PTPRD: variants seen among roughly 807,000 people sequenced by gnomAD.
PTPRD encodes receptor-type tyrosine-protein phosphatase delta.
A neutral mutation model predicts 214.5 loss-of-function variants in PTPRD; 34 were observed. The ratio of observed to expected loss-of-function variants is 0.16; its 90% CI spans 0.12 to 0.21. The LOEUF (loss-of-function observed/expected upper bound fraction) is 0.21. Ranked by LOEUF, PTPRD falls within the 10% of genes least tolerant of loss-of-function variation. The pLI is 1.00. For synonymous variants in PTPRD, 1,128 were observed against 845.7 expected (o/e 1.33, Z -5.79); for missense variants, 2,545 against 2,398.7 (o/e 1.06, Z -1.27).
In PTPRD at chr9:10,248,121, G is replaced by T. The variant is rs368248227; in HGVS notation, c.-545+92842C>A. On this transcript the variant is annotated intron_variant, in intron 3 of 45. Coordinates refer to ENST00000381196, the MANE Select transcript of PTPRD (RefSeq NM_002839.4). ...CCTCCCCAGCCATGTGGAACTGTAA[G>T]TCCAATAAACCTCTTTCTTTCTTAA... Among the ~76,000 whole-genome samples, 30 of 152,200 alleles carry T rather than the reference G, an allele frequency of 2.0e-4. 3 individuals carry two copies. Among genetic ancestry groups the T allele is most frequent in the Admixed American group, 1.1e-3 (17 of 15,266 alleles).
intron 18 of PTPRD, 32 bp from the exon 19 acceptor site, chr9:8,523,556 C>T (rs774416232): frequency 6.2e-7 from 1 of 1,611,136 alleles, no homozygotes; most frequent in East Asian, 2.2e-5. Flanking sequence ...ATGCAGAACA[C>T]AATGAAATGA....
intron 9 of PTPRD, among the ~76,000 whole-genome samples, chr9:9,377,061 A>G (rs922317006): frequency 6.6e-6 from 1 of 152,154 alleles, no homozygotes; most frequent in African/African-American, 2.4e-5. Context: ...TTGGCTGGAG[A>G]ATTGATGTTG....
chr9:9,315,787 T>A (rs1962524247), intron 9 of PTPRD, among the ~76,000 whole-genome samples: 1 of 151,590 alleles, frequency 6.6e-6, no homozygotes, highest in African/African-American at 2.4e-5. Flanking sequence ...ATCCTTATGT[T>A]TTTCTTGTTG....
intron 5 of PTPRD, among the ~76,000 whole-genome samples, chr9:9,935,773 A>C (rs2089080637): frequency 2.0e-5 from 3 of 149,676 alleles, no homozygotes; most frequent in South Asian, 4.2e-4. Context: ...TTGCCAAGTC[A>C]ATCCTAAGCC....
chr9:8,841,941 G>A (rs1287019503), intron 11 of PTPRD, among the ~76,000 whole-genome samples: 3 of 151,618 alleles, frequency 2.0e-5, no homozygotes, highest in African/African-American at 7.3e-5. Flanking sequence ...AGCCCAGGAA[G>A]CAGAGGTTGC....
chr9:9,717,282 C>T (rs370384502), intron 7 of PTPRD, among the ~76,000 whole-genome samples: 22 of 152,244 alleles, frequency 1.4e-4, no homozygotes, highest in Middle Eastern at 3.4e-3. Flanking sequence ...AGTCAGGTAG[C>T]GTGATGCCTC....
At chr9:8,714,373 C>T (rs570189818) in intron 12 of PTPRD, among the ~76,000 whole-genome samples, 2 of 152,170 alleles carry the variant, frequency 1.3e-5, no homozygotes, top group African/African-American at 4.8e-5. Flanking sequence ...TTTGCAGACA[C>T]TAGTCATATT....
At chr9:8,445,298 G>A (rs1175694944) in intron 34 of PTPRD, among the ~76,000 whole-genome samples, 1 of 151,950 alleles carries the variant, frequency 6.6e-6, no homozygotes, top group East Asian at 1.9e-4. Flanking sequence ...TAAATGATTA[G>A]GTAGCTCATG....
chr9:10,249,490 C>A (rs2092571260), intron 3 of PTPRD, among the ~76,000 whole-genome samples: 1 of 152,126 alleles, frequency 6.6e-6, no homozygotes, highest in South Asian at 2.1e-4. Context: ...TACCATTAGG[C>A]AAAAGCACAC....
chr9:9,601,652 C>T (rs1187594994), intron 7 of PTPRD, among the ~76,000 whole-genome samples: 1 of 152,024 alleles, frequency 6.6e-6, no homozygotes, highest in Non-Finnish European at 1.5e-5. Flanking sequence ...TATATGCAGT[C>T]ATCATAAATA....
chr9:9,494,657 G>C (rs963265580), intron 8 of PTPRD, among the ~76,000 whole-genome samples: 1 of 152,158 alleles, frequency 6.6e-6, no homozygotes. Flanking sequence ...AAATATTGTT[G>C]AGAGAAGTTT....
At chr9:8,682,498 C>T (rs551686030) in intron 12 of PTPRD, among the ~76,000 whole-genome samples, 12 of 152,262 alleles carry the variant, frequency 7.9e-5, no homozygotes, top group African/African-American at 2.6e-4. Flanking sequence ...CTGTGGTACA[C>T]AACATATACA....
intron 5 of PTPRD, among the ~76,000 whole-genome samples, chr9:9,827,591 G>A (rs2053384085): frequency 6.6e-6 from 1 of 152,092 alleles, no homozygotes; most frequent in South Asian, 2.1e-4. Flanking sequence ...CAGGACACAG[G>A]CATGGGCAAG....
intron 10 of PTPRD, among the ~76,000 whole-genome samples, chr9:9,141,619 A>G (rs1047867286): frequency 2.6e-5 from 4 of 151,612 alleles, no homozygotes; most frequent in Non-Finnish European, 4.4e-5. Context: ...CTCCGGGAAC[A>G]GTGCACATCA....
At chr9:9,526,526 T>C (rs561791565) in intron 8 of PTPRD, among the ~76,000 whole-genome samples, 1 of 152,330 alleles carries the variant, frequency 6.6e-6, no homozygotes, top group Admixed American at 6.5e-5. Flanking sequence ...AGAGTTTTTA[T>C]GCAGATGCTT....
At chr9:9,911,353 C>T (rs944027581) in intron 5 of PTPRD, among the ~76,000 whole-genome samples, 2 of 152,028 alleles carry the variant, frequency 1.3e-5, no homozygotes, top group African/African-American at 4.8e-5. Flanking sequence ...AAAAAGAACA[C>T]TTCCAAACTT....
intron 4 of PTPRD, among the ~76,000 whole-genome samples, chr9:10,023,175 T>C (rs541052958): frequency 6.6e-6 from 1 of 152,344 alleles, no homozygotes; most frequent in East Asian, 1.9e-4. Flanking sequence ...TGTACACGTG[T>C]GTATATACAT....
intron 4 of PTPRD, among the ~76,000 whole-genome samples, chr9:9,992,554 T>C (rs547113531): frequency 1.3e-5 from 2 of 152,204 alleles, no homozygotes; most frequent in South Asian, 4.1e-4. Context: ...CCAACCCAAA[T>C]GTCCATCAAT....
intron 22 of PTPRD, among the ~76,000 whole-genome samples, chr9:8,504,784 A>C (rs1592221093): frequency 6.6e-6 from 1 of 152,192 alleles, no homozygotes; most frequent in East Asian, 1.9e-4. Flanking sequence ...CTGGTAGTGG[A>C]ATCTGCCCAA....
Sources: gnomAD v4.1 joint callset for allele counts (sites outside exome capture counted in the v4.1 genomes callset) on GRCh38, gnomAD v4.1.1 for gene constraint, MANE v1.5 for transcripts, NCBI Gene and HGNC (gene_info 2026-07-23, HGNC 2026-07-21) for gene names.